Variants in PDZD2 observed in about 807,000 individuals in gnomAD.
PDZD2 encodes PDZ domain containing 2, also known as PDZ domain-containing protein 2.
In PDZD2, 90 loss-of-function variants were observed where a neutral mutation model predicts 220.7. The observed-to-expected ratio is 0.41, with a 90% CI of 0.34 to 0.49. The LOEUF is 0.49. Ranked by LOEUF, PDZD2 falls within the 20% of genes least tolerant of loss-of-function variation. PDZD2 has a pLI of 0.28. For missense variants in PDZD2, 3,174 were observed against 3,608.5 expected, an observed-to-expected ratio of 0.88 and a Z score of 3.08; for synonymous variants, 1,375 against 1,450.5, an observed-to-expected ratio of 0.95 and a Z score of 1.18.
chr5:32,052,772 C>T (rs1473081318), intron 9 of PDZD2, 42 bp downstream of exon 9: 1 of 1,589,574 alleles, frequency 6.3e-7, no homozygotes. Flanking sequence ...CTGGGTGAAT[C>T]TTAGCACACA....
intron 2 of PDZD2, among the ~76,000 whole-genome samples, chr5:31,879,338 G>C (rs1051518994): frequency 6.7e-6 from 1 of 149,186 alleles, no homozygotes; most frequent in Non-Finnish European, 1.5e-5. Flanking sequence ...AGTGAGCATA[G>C]ATCGTGCCAT....
intron 2 of PDZD2, among the ~76,000 whole-genome samples, chr5:31,912,943 G>A (rs111912016): frequency 0.011 from 1,589 of 141,412 alleles, 30 homozygotes; most frequent in African/African-American, 0.047. Flanking sequence ...AAAGTTTAGC[G>A]TCTTTTTTTA....
At chr5:31,761,669 T>G (rs1452080667) in intron 1 of PDZD2, among the ~76,000 whole-genome samples, 2 of 151,938 alleles carry the variant, frequency 1.3e-5, no homozygotes, top group Non-Finnish European at 2.9e-5. Context: ...AAGACCAGCC[T>G]GGCCAACATG....
Position 31,915,224 on chromosome 5 carries a change from C to T in PDZD2, c.477-67931C>T, listed in dbSNP as rs1429203251. 2.6e-5 allele frequency among the ~76,000 whole-genome samples: 4 copies of T among 152,184 alleles called. 1 individual carries two copies. Among genetic ancestry groups the T allele is most frequent in the South Asian group, 2.1e-4 (1 of 4,828 alleles). On this transcript the variant is annotated intron_variant, in intron 2 of 24. Coordinates refer to ENST00000438447, the MANE Select transcript of PDZD2 (RefSeq NM_178140.4). ...AAGCATCCCTCACTTGAAATCCCCACGTTATTAGATTGCCGCTGTGACATC... is the reference window on the plus strand; with the variant it reads ...AAGCATCCCTCACTTGAAATCCCCATGTTATTAGATTGCCGCTGTGACATC...
At chr5:31,939,390 G>A (rs1241188292) in intron 2 of PDZD2, among the ~76,000 whole-genome samples, 1 of 152,222 alleles carries the variant, frequency 6.6e-6, no homozygotes, top group East Asian at 1.9e-4. Flanking sequence ...CCAGGCCAAG[G>A]GGCAGTTAGG....
intron 5 of PDZD2, among the ~76,000 whole-genome samples, chr5:32,007,020 A>G (rs1021430105): frequency 5.8e-5 from 8 of 136,806 alleles, no homozygotes; most frequent in Non-Finnish European, 1.5e-5. Flanking sequence ...GGCTTACGCC[A>G]TTCTCCTGCC....
In PDZD2 at chr5:31,723,226, A is replaced by G. The variant is rs775902353; in HGVS notation, c.-360-75663A>G. On this transcript the variant is annotated intron_variant, in intron 1 of 24. Coordinates refer to ENST00000438447, the MANE Select transcript of PDZD2 (RefSeq NM_178140.4). ...GTTCTTTACAGGCGAAGCCTAGATTACTAACACCAAAACTGAAAAAAATAA... is the reference window on the plus strand; with the variant it reads ...GTTCTTTACAGGCGAAGCCTAGATTGCTAACACCAAAACTGAAAAAAATAA... Among the ~76,000 whole-genome samples, 3 of 152,250 alleles carry G rather than the reference A, an allele frequency of 2.0e-5. No homozygotes were observed. In the South Asian group the frequency reaches 6.2e-4, roughly 31 times the overall value.
chr5:31,797,190 G>A (rs1018858590), intron 1 of PDZD2, among the ~76,000 whole-genome samples: 11 of 137,214 alleles, frequency 8.0e-5, no homozygotes, highest in East Asian at 2.3e-4. Flanking sequence ...TGATCCGCCC[G>A]CCTCGGCCTC....
rs573837126 is a variant in PDZD2, at chr5:31,804,464, G to A, written c.476+4740G>A. ...TACCATTTATTGAGCAGTTTCTACC[G>A]TAGAGGATGTCTGCCAGCCACTGTC... On this transcript the variant is annotated intron_variant, in intron 2 of 24. Transcript: ENST00000438447. 7.9e-5 allele frequency among the ~76,000 whole-genome samples: 12 copies of A among 152,256 alleles called. No homozygotes were observed. In the South Asian group the frequency reaches 1.7e-3, roughly 21 times the overall value.
chr5:31,978,866 A>C (rs562417365), intron 2 of PDZD2, among the ~76,000 whole-genome samples: 214 of 152,316 alleles, frequency 1.4e-3, no homozygotes, highest in Non-Finnish European at 2.3e-3. Context: ...CCTGTCATAC[A>C]GTTTCTTTAA....
At chr5:31,874,731 A>C (rs1460517924) in intron 2 of PDZD2, among the ~76,000 whole-genome samples, 4 of 148,314 alleles carry the variant, frequency 2.7e-5, no homozygotes, top group Admixed American at 6.8e-5. Context: ...ACTACACTCC[A>C]GTCTGGGCAG....
rs201672166 is a variant in PDZD2 at position 32,088,939 on chromosome 5, G to A, written c.5491G>A (p.Asp1831Asn). The change falls in exon 20 of 25, where the codon GAC becomes AAC. Residue 1831 changes from aspartate to asparagine, a missense_variant. Around this residue, in one of 4 missense-constraint regions of PDZD2, gnomAD observed 1,861 missense variants for 2,001.0 expected, o/e 0.93. Coordinates refer to ENST00000438447, the MANE Select transcript of PDZD2 (RefSeq NM_178140.4). The surrounding 1 kb of genome is among the most constrained non-coding windows in gnomAD (Gnocchi z 4.6). ...EQPLMPARSP[D>N]SKIQMVSSSQ... The stretch of plus-strand genomic sequence containing the variant: ...ACCTCTAATGCCTGCCAGAAGTCCC[G>A]ACTCCAAGATTCAGATGGTGAGTTC... The A allele has an allele frequency of 3.8e-5, 62 of 1,613,792 alleles. No homozygotes were observed. The highest frequency in any genetic ancestry group is 1.8e-4 in the East Asian group (8 of 44,884).
At chr5:31,651,839 A>G (rs805233) in intron 1 of PDZD2, among the ~76,000 whole-genome samples, 11,459 of 150,540 alleles carry the variant, frequency 0.076, 735 homozygotes, top group East Asian at 0.29. Flanking sequence ...TTGTTTTGAG[A>G]TGGTGTCTTG....
chr5:32,097,224 T>G, intron 21 of PDZD2, 55 bp from the exon 22 acceptor site: 1 of 1,147,710 alleles, frequency 8.7e-7, no homozygotes, highest in Admixed American at 1.7e-5. Flanking sequence ...ATGTTTTTCT[T>G]TCTTAATTTT....
intron 2 of PDZD2, among the ~76,000 whole-genome samples, chr5:31,964,898 A>T (rs527793236): frequency 6.6e-6 from 1 of 152,138 alleles, no homozygotes; most frequent in East Asian, 1.9e-4. Flanking sequence ...TTGTATTTTT[A>T]GTAGAGACGG....
At chr5:31,725,718 A>G in intron 1 of PDZD2, 1 of 884,144 alleles carries the variant, frequency 1.1e-6, no homozygotes, top group Non-Finnish European at 1.9e-6. Context: ...TTGGTATGAG[A>G]TGCAGGCCTG....
At chr5:32,100,762 C>G (rs1044075248) in intron 23 of PDZD2, 1 of 596,438 alleles carries the variant, frequency 1.7e-6, no homozygotes, top group Non-Finnish European at 2.8e-6. Flanking sequence ...GACTTCAGTC[C>G]TCACTGAGAA....
chr5:31,807,690 G>A (rs928305733), intron 2 of PDZD2, among the ~76,000 whole-genome samples: 2 of 152,158 alleles, frequency 1.3e-5, no homozygotes, highest in Admixed American at 6.5e-5. Context: ...GGATGCTGGC[G>A]GATGCAAGAA....
chr5:31,776,626 T>TTTTATTTTA lies in PDZD2; in HGVS notation c.-360-22256_-360-22255insTATTTATTT, dbSNP rs764036702. The stretch of plus-strand genomic sequence containing the variant: ...CCACCACGCCTGGCCTTATTTTTTA[T>TTTTATTTTA]TTTATTTATTTATTTATTTATTTAT... On this transcript the variant is annotated intron_variant, in intron 1 of 24. Coordinates refer to ENST00000438447, the MANE Select transcript of PDZD2 (RefSeq NM_178140.4). Among the ~76,000 whole-genome samples, 546 of 141,102 alleles carry TTTTATTTTA rather than the reference T, an allele frequency of 3.9e-3. 7 individuals are homozygous for TTTTATTTTA. Among genetic ancestry groups the TTTTATTTTA allele is most frequent in the African/African-American group, 0.014 (513 of 37,208 alleles). 92.6% of individuals were successfully genotyped at this position (141,102 alleles called of 152,430 possible).
Sources: allele counts gnomAD v4.1 joint callset (sites outside exome capture counted in the v4.1 genomes callset), GRCh38; gene constraint gnomAD v4.1.1; regional missense constraint gnomAD v4.1.1; non-coding constraint Gnocchi (gnomAD v3.1); transcripts MANE v1.5; gene names NCBI Gene and HGNC (gene_info 2026-07-23, HGNC 2026-07-21).